The following EPYC variants were observed in gnomAD, a reference collection of about 807,000 sequenced individuals.
EPYC encodes epiphycan.
EPYC carries 28 observed loss-of-function variants against 30.1 expected under a neutral mutation model. The ratio of observed to expected loss-of-function variants is 0.93; its 90% CI spans 0.69 to 1.28. The LOEUF (loss-of-function observed/expected upper bound fraction) is 1.28, where lower values mean the gene tolerates loss of function less well. Ranked by LOEUF, EPYC falls within the 50% of genes most tolerant of loss-of-function variation. The pLI is 0.00. For missense variants in EPYC, 382 were observed against 383.5 expected, an observed-to-expected ratio of 1.00 and a Z score of 0.03; for synonymous variants, 144 against 141.4, an observed-to-expected ratio of 1.02 and a Z score of -0.13.
At chr12:90,973,658 G>T (rs1877109147) in intron 3 of EPYC, among the ~76,000 whole-genome samples, 1 of 152,126 alleles carries the variant, frequency 6.6e-6, no homozygotes, top group Admixed American at 6.6e-5. Flanking sequence ...ATGCAGGTAG[G>T]ACAGGAATGG....
chr12:91,004,294 T>G (rs989915964), intron 1 of EPYC, among the ~76,000 whole-genome samples: 3 of 152,106 alleles, frequency 2.0e-5, no homozygotes, highest in Non-Finnish European at 4.4e-5. Context: ...TGCTTGCATT[T>G]TGCATCACTC....
chr12:90,993,594 T>A (rs997812046), intron 2 of EPYC, among the ~76,000 whole-genome samples: 3 of 152,080 alleles, frequency 2.0e-5, no homozygotes, highest in South Asian at 2.1e-4. Flanking sequence ...TTTTGATGTA[T>A]CTATCTGACT....
At chr12:90,976,133 A>C (rs972267111) in intron 3 of EPYC, among the ~76,000 whole-genome samples, 1 of 152,116 alleles carries the variant, frequency 6.6e-6, no homozygotes. Flanking sequence ...AGAACAGTTA[A>C]AAACTCAAAG....
chr12:91,003,266 G>T (rs924777079), intron 1 of EPYC, among the ~76,000 whole-genome samples: 2 of 151,878 alleles, frequency 1.3e-5, no homozygotes, highest in Non-Finnish European at 2.9e-5. Context: ...AGTATTTCAT[G>T]CAATATTGTT....
chr12:90,972,687 TA>T, intron 4 of EPYC, 134 bp downstream of exon 4: 1 of 810,016 alleles, frequency 1.2e-6, no homozygotes. Context: ...CTCAAATTTT[TA>T]AATAACAAAA....
chr12:90,988,393 G>A (rs1259364323), intron 2 of EPYC, among the ~76,000 whole-genome samples: 1 of 152,108 alleles, frequency 6.6e-6, no homozygotes, highest in African/African-American at 2.4e-5. Context: ...GAGAGGAATG[G>A]TTTGTTATTA....
chr12:90,969,117 A>G (rs1331270543), intron 6 of EPYC, among the ~76,000 whole-genome samples: 3 of 151,796 alleles, frequency 2.0e-5, no homozygotes, highest in African/African-American at 7.2e-5. Flanking sequence ...AAGAAAAGGC[A>G]CAAAGGTAAA....
At chr12:90,991,424 CA>C (rs1193004514) in intron 2 of EPYC, among the ~76,000 whole-genome samples, 6 of 151,590 alleles carry the variant, frequency 4.0e-5, no homozygotes, top group Admixed American at 3.3e-4. Context: ...TCTGATGGGA[CA>C]ACATATCCAA....
intron 2 of EPYC, among the ~76,000 whole-genome samples, chr12:90,993,949 A>T (rs1920759): frequency 0.66 from 100,654 of 152,016 alleles, 36,139 homozygotes; most frequent in East Asian, 0.8. Flanking sequence ...CAGATTCAAG[A>T]ACATCATTTC....
intron 3 of EPYC, among the ~76,000 whole-genome samples, chr12:90,976,599 A>G (rs140096108): frequency 6.4e-4 from 97 of 152,222 alleles, no homozygotes; most frequent in Non-Finnish European, 1.1e-3. Context: ...GCTCTTAGTC[A>G]TGCCTTAGGT....
At chr12:90,985,910 G>A (rs1877437537) in intron 2 of EPYC, among the ~76,000 whole-genome samples, 1 of 152,142 alleles carries the variant, frequency 6.6e-6, no homozygotes, top group Admixed American at 6.5e-5. Context: ...GGCTTTCTCA[G>A]TGTTAATCTC....
intron 2 of EPYC, among the ~76,000 whole-genome samples, chr12:91,002,184 T>C (rs539629007): frequency 3.5e-3 from 118 of 33,738 alleles, no homozygotes; most frequent in Non-Finnish European, 4.0e-3. Flanking sequence ...AGCAAGACAC[T>C]GTCTCAAAAA....
intron 2 of EPYC, among the ~76,000 whole-genome samples, chr12:90,987,666 G>A (rs757002947): frequency 4.6e-5 from 7 of 152,130 alleles, no homozygotes; most frequent in Non-Finnish European, 8.8e-5. Flanking sequence ...ATCTATTGCT[G>A]AGCCAAGAAT....
chr12:90,978,030 T>C (rs1877229234), intron 3 of EPYC, 58 bp downstream of exon 3: 6 of 1,443,990 alleles, frequency 4.2e-6, no homozygotes, highest in Admixed American at 5.4e-5. Flanking sequence ...GTTGAAGCTG[T>C]GCAGTTTTGA....
chr12:90,982,891 G>A (rs1183734652), intron 2 of EPYC, among the ~76,000 whole-genome samples: 1 of 152,042 alleles, frequency 6.6e-6, no homozygotes, highest in Non-Finnish European at 1.5e-5. Flanking sequence ...TCCATCCATT[G>A]ATGGACACCT....
chr12:90,980,598 A>G (rs191741450), intron 2 of EPYC, among the ~76,000 whole-genome samples: 121 of 152,312 alleles, frequency 7.9e-4, no homozygotes, highest in Non-Finnish European at 1.6e-3. Flanking sequence ...AAAATAGTCC[A>G]GGGAAACAAG....
chr12:90,968,628 G>C (rs1373900290), intron 6 of EPYC, among the ~76,000 whole-genome samples: 1 of 152,144 alleles, frequency 6.6e-6, no homozygotes, highest in Non-Finnish European at 1.5e-5. Context: ...GACTTTCAAA[G>C]CTTAGAATGG....
rs1174566539 is a variant in EPYC, at chr12:90,972,826, G to T, written c.495C>A (p.Ser165Arg). Residue 165 changes from serine to arginine, a missense_variant, in exon 4 of 7, where the codon AGC becomes AGA. Physicochemically the swap from Ser to Arg is moderately radical, Grantham distance 110. Coordinates refer to ENST00000261172, the MANE Select transcript of EPYC (RefSeq NM_004950.5). ...CGTTAATGCTGTCATCCATACTTAG[G>T]CTTGCAAAGTCATTTTTGTTGATCT... is the stretch of plus-strand genomic sequence containing the variant. ...IKKINKNDFA[S>R]LSDLKRIDLT... 6.2e-7 allele frequency: 1 copy of T among 1,613,012 alleles called. No individual in the cohort carries two copies. The highest frequency in any genetic ancestry group is 8.5e-7 in the Non-Finnish European group (1 of 1,179,450).
chr12:90,971,801 T>A lies in EPYC; in HGVS notation c.701A>T (p.Lys234Ile). Residue 234 changes from lysine (K) to isoleucine (I), a missense_variant and splice_region_variant, in exon 5 of 7, where the codon AAA becomes ATA. Transcript: ENST00000261172. ...CTGCATATCAAACTTAAAACTTACT[T>A]TAAATGCTTCTTGCTTTATCCCTTT... Reference protein sequence around the residue: ...GRKGIKQEAFKDMYDLHHLYL... With the variant: ...GRKGIKQEAFIDMYDLHHLYL... The A allele has an allele frequency of 6.4e-7, 1 of 1,573,070 alleles. No homozygotes were observed. The highest frequency in any genetic ancestry group is 8.6e-7 in the Non-Finnish European group (1 of 1,161,608).
Sources: allele counts gnomAD v4.1 joint callset (sites outside exome capture counted in the v4.1 genomes callset), GRCh38; gene constraint gnomAD v4.1.1; transcripts MANE v1.5; gene names NCBI Gene and HGNC (gene_info 2026-07-23, HGNC 2026-07-21).